The following FBN2 variants were observed in gnomAD, a reference collection of about 807,000 sequenced individuals.
FBN2 encodes fibrillin 2.
In FBN2, 105 loss-of-function variants were observed where a neutral mutation model predicts 355.6. The observed-to-expected ratio is 0.30, with a 90% CI of 0.25 to 0.35. The LOEUF is 0.35. Among genes scored for constraint, FBN2 ranks in the 10% least tolerant of loss-of-function variants. FBN2 has a pLI of 1.00. For synonymous variants in FBN2, 1,350 were observed against 1,301.2 expected (o/e 1.04, Z -0.81); for missense variants, 3,280 against 3,758.7 (o/e 0.87, Z 3.33).
At chr5:128,398,176 G>A (rs573848995) in intron 8 of FBN2, among the ~76,000 whole-genome samples, 7 of 152,050 alleles carry the variant, frequency 4.6e-5, no homozygotes, top group East Asian at 3.9e-4. Context: ...CAACTCACAA[G>A]AGCCAACACA....
chr5:128,261,916 A>G lies in FBN2; in HGVS notation c.8193-9T>C. The G allele has an allele frequency of 6.2e-7, 1 of 1,613,030 alleles. No homozygotes were observed. The highest frequency in any genetic ancestry group is 8.5e-7 in the Non-Finnish European group (1 of 1,178,962). On this transcript the variant is annotated splice_polypyrimidine_tract_variant and intron_variant, in intron 63 of 64. Transcript: ENST00000262464. Reference sequence around the variant, plus strand: ...TTCCTGAGACACAGTGGCTATTTGCAAAAAGCAAAGTATTGTTAGACTTTA... The same window carrying G: ...TTCCTGAGACACAGTGGCTATTTGCGAAAAGCAAAGTATTGTTAGACTTTA...
At position 128,494,045 on chromosome 5, in the gene FBN2, G is replaced by C. The variant is rs150750848; in HGVS notation, c.628+25228C>G. On this transcript the variant is annotated intron_variant, in intron 5 of 64. Transcript: ENST00000262464. The stretch of plus-strand genomic sequence containing the variant: ...GTTTACGCAAGCAATAGCAAATATG[G>C]GTCTGTGACTCAGTTTAAGCTGGAG... Among the ~76,000 whole-genome samples the C allele has an allele frequency of 1.7e-3, 261 of 152,226 alleles. 1 individual carries two copies. In the Middle Eastern group the frequency reaches 0.024, roughly 14 times the overall value.
At chr5:128,364,516 A>T in intron 18 of FBN2, 84 bp downstream of exon 18, 1 of 1,363,932 alleles carries the variant, frequency 7.3e-7, no homozygotes, top group South Asian at 1.3e-5. Context: ...TTTTAGTTTT[A>T]GTCATTTGTG....
intron 5 of FBN2, among the ~76,000 whole-genome samples, chr5:128,488,722 T>C (rs1055181948): frequency 2.0e-5 from 3 of 150,538 alleles, no homozygotes; most frequent in Admixed American, 1.3e-4. Flanking sequence ...TCATTGTTAA[T>C]TCCCATCTAT....
chr5:128,321,492 T>C (rs1245018576), intron 34 of FBN2, among the ~76,000 whole-genome samples: 2 of 152,152 alleles, frequency 1.3e-5, no homozygotes, highest in Admixed American at 6.5e-5. Flanking sequence ...TCCCTCCCTG[T>C]CCACGTGTTC....
At chr5:128,390,982 T>C (rs974467808) in intron 11 of FBN2, among the ~76,000 whole-genome samples, 1 of 152,202 alleles carries the variant, frequency 6.6e-6, no homozygotes, top group Non-Finnish European at 1.5e-5. Context: ...TGATAGTACA[T>C]AGTAAAATAT....
At chr5:128,343,109 C>T (rs781262440) in intron 25 of FBN2, among the ~76,000 whole-genome samples, 8 of 152,128 alleles carry the variant, frequency 5.3e-5, no homozygotes, top group African/African-American at 9.6e-5. Context: ...TGAAGGAGAA[C>T]GGTAATAGAT....
At chr5:128,398,677 C>A (rs1170947343) in intron 8 of FBN2, among the ~76,000 whole-genome samples, 1 of 152,072 alleles carries the variant, frequency 6.6e-6, no homozygotes, top group Non-Finnish European at 1.5e-5. Flanking sequence ...GAATGAAAAG[C>A]TAATTAGATG....
intron 4 of FBN2, among the ~76,000 whole-genome samples, chr5:128,526,740 G>C (rs567164483): frequency 9.2e-5 from 14 of 152,164 alleles, no homozygotes; most frequent in Middle Eastern, 6.8e-3. Flanking sequence ...AGGGAAATGG[G>C]GGTTACTGTT....
At chr5:128,516,252 A>AT (rs1756277800) in intron 5 of FBN2, among the ~76,000 whole-genome samples, 1 of 152,176 alleles carries the variant, frequency 6.6e-6, no homozygotes, top group African/African-American at 2.4e-5. Flanking sequence ...TAAGTGAGAT[A>AT]TTTATTTTTT....
At chr5:128,469,600 C>T (rs1754803529) in intron 5 of FBN2, among the ~76,000 whole-genome samples, 1 of 150,468 alleles carries the variant, frequency 6.6e-6, no homozygotes, top group Non-Finnish European at 1.5e-5. Context: ...TATTTGTATT[C>T]TAAAGTGTTA....
chr5:128,322,591 T>C (rs1387003277), intron 34 of FBN2, among the ~76,000 whole-genome samples: 1 of 152,114 alleles, frequency 6.6e-6, no homozygotes, highest in Non-Finnish European at 1.5e-5. Flanking sequence ...GATCAGATGG[T>C]TGTAGATGTG....
At chr5:128,411,904 G>T (rs1351696152) in intron 7 of FBN2, among the ~76,000 whole-genome samples, 1 of 152,136 alleles carries the variant, frequency 6.6e-6, no homozygotes. Flanking sequence ...TTGAATATTA[G>T]TTCTTCAATA....
At chr5:128,502,469 A>C (rs1170883572) in intron 5 of FBN2, among the ~76,000 whole-genome samples, 1 of 152,190 alleles carries the variant, frequency 6.6e-6, no homozygotes, top group Non-Finnish European at 1.5e-5. Context: ...ACCCAAGTTA[A>C]ACTTATCCAA....
intron 15 of FBN2, among the ~76,000 whole-genome samples, chr5:128,369,597 T>A (rs1561422344): frequency 6.6e-6 from 1 of 152,238 alleles, no homozygotes; most frequent in Non-Finnish European, 1.5e-5. Context: ...GTCCGATGTA[T>A]TCTTACAAAC....
chr5:128,502,440 A>G (rs1178522096), intron 5 of FBN2, among the ~76,000 whole-genome samples: 1 of 152,178 alleles, frequency 6.6e-6, no homozygotes, highest in East Asian at 1.9e-4. Context: ...CAGAAATATG[A>G]AGGGAAAAAG....
chr5:128,282,858 C>A (rs1749013316), intron 55 of FBN2, among the ~76,000 whole-genome samples: 2 of 152,156 alleles, frequency 1.3e-5, no homozygotes, highest in Non-Finnish European at 2.9e-5. Flanking sequence ...ATGTCCAATC[C>A]AGTGCAGCAT....
chr5:128,460,948 G>C (rs1305586469), intron 6 of FBN2, among the ~76,000 whole-genome samples: 2 of 152,094 alleles, frequency 1.3e-5, no homozygotes, highest in African/African-American at 2.4e-5. Context: ...CATGGGGGGA[G>C]ACTTCATGAC....
chr5:128,297,972 T>C (rs1749577064), intron 48 of FBN2, among the ~76,000 whole-genome samples: 1 of 151,646 alleles, frequency 6.6e-6, no homozygotes, highest in South Asian at 2.1e-4. Flanking sequence ...CAGCGGCTGG[T>C]ACCGGTTGTT....
Sources: allele counts gnomAD v4.1 joint callset (sites outside exome capture counted in the v4.1 genomes callset), GRCh38; gene constraint gnomAD v4.1.1; transcripts MANE v1.5; gene names NCBI Gene and HGNC (gene_info 2026-07-23, HGNC 2026-07-21).